Variants in EPHA5 observed in about 807,000 individuals in gnomAD.
EPHA5 encodes ephrin type-A receptor 5.
In EPHA5, 60 loss-of-function variants were observed where a neutral mutation model predicts 105.0. The observed-to-expected ratio is 0.57, with a 90% CI of 0.46 to 0.71. The LOEUF (loss-of-function observed/expected upper bound fraction) is 0.71, where lower values mean the gene tolerates loss of function less well. EPHA5 is among the 30% of genes least tolerant of loss of function. The pLI is 0.00. For missense variants in EPHA5, 1,218 were observed against 1,274.7 expected, an observed-to-expected ratio of 0.96 and a Z score of 0.68; for synonymous variants, 513 against 449.1, an observed-to-expected ratio of 1.14 and a Z score of -1.80.
chr4:65,571,321 T>TA (rs55885870), intron 3 of EPHA5, among the ~76,000 whole-genome samples: 2,831 of 140,210 alleles, frequency 0.02, 37 homozygotes, highest in South Asian at 0.034. Context: ...TGTTTACAAG[T>TA]AAAAAAAAAA....
chr4:65,489,525 G>C lies in EPHA5; in HGVS notation c.1402+852C>G, dbSNP rs113024542. On this transcript the variant is annotated intron_variant, in intron 5 of 16. Transcript: ENST00000613740. ...TGATAGAGGAAAGTTACAACTTTTT[G>C]GCTTTAATGCCTTTTTCTTCCCCTC... Among the ~76,000 whole-genome samples, 326 of 152,232 alleles carry C rather than the reference G, an allele frequency of 2.1e-3. 1 individual carries two copies. Among genetic ancestry groups the C allele is most frequent in the African/African-American group, 7.5e-3 (313 of 41,542 alleles).
chr4:65,610,689 C>G (rs2149457068), intron 2 of EPHA5, among the ~76,000 whole-genome samples: 1 of 152,088 alleles, frequency 6.6e-6, no homozygotes, highest in Non-Finnish European at 1.5e-5. Flanking sequence ...AATTAATAAA[C>G]TGAATAAAAT....
intron 3 of EPHA5, among the ~76,000 whole-genome samples, chr4:65,505,370 T>C (rs935643868): frequency 2.0e-5 from 3 of 152,084 alleles, no homozygotes; most frequent in Non-Finnish European, 2.9e-5. Flanking sequence ...AATGGCACTT[T>C]TGAACAGATT....
At chr4:65,406,533 T>C (rs1043661751) in intron 7 of EPHA5, among the ~76,000 whole-genome samples, 14 of 152,274 alleles carry the variant, frequency 9.2e-5, no homozygotes, top group African/African-American at 2.6e-4. Flanking sequence ...AATGTATGAA[T>C]GATTCTTCAT....
At chr4:65,450,342 A>T (rs771552865) in intron 5 of EPHA5, among the ~76,000 whole-genome samples, 3 of 152,182 alleles carry the variant, frequency 2.0e-5, no homozygotes, top group Non-Finnish European at 4.4e-5. Flanking sequence ...ACATTAGATC[A>T]TTTTATGTAA....
chr4:65,527,530 T>A (rs879829347), intron 3 of EPHA5, among the ~76,000 whole-genome samples: 4 of 152,114 alleles, frequency 2.6e-5, no homozygotes, highest in Non-Finnish European at 5.9e-5. Context: ...ACTTTTAAAA[T>A]GCAAGAAGAA....
rs1206356192 is a variant in EPHA5 at position 65,414,377 on chromosome 4, G to A, written c.1594C>T (p.Pro532Ser). 1.2e-6 allele frequency: 2 copies of A among 1,613,836 alleles called. No individual in the cohort carries two copies. The highest frequency in any genetic ancestry group is 2.7e-5 in the African/African-American group (2 of 74,924). Residue 532 changes from proline (P) to serine (S), a missense_variant, in exon 7 of 17, where the codon CCA becomes TCA. Physicochemically the swap from Pro to Ser is moderately conservative, Grantham distance 74 (BLOSUM62 -1). This residue lies in a region of EPHA5 where 971 missense variants were observed against 1,013.5 expected (regional missense o/e 0.96). Coordinates refer to ENST00000613740, the MANE Select transcript of EPHA5 (RefSeq NM_001281766.3). ...ETTITAEGLKPASVYVFQIRA... is the reference protein window; with the variant it reads ...ETTITAEGLKSASVYVFQIRA... The stretch of plus-strand genomic sequence containing the variant: ...ATTTGGAAGACATAAACTGAAGCTG[G>A]TTTCAAGCCCTCTGCAGTAATAGTT...
At chr4:65,498,937 T>C (rs138898829) in intron 3 of EPHA5, among the ~76,000 whole-genome samples, 1 of 150,994 alleles carries the variant, frequency 6.6e-6, no homozygotes, top group Non-Finnish European at 1.5e-5. Flanking sequence ...TAGACAAACT[T>C]ATATTATTCC....
intron 2 of EPHA5, among the ~76,000 whole-genome samples, chr4:65,641,999 A>G (rs1309012938): frequency 1.3e-5 from 2 of 152,138 alleles, no homozygotes; most frequent in Non-Finnish European, 2.9e-5. Context: ...AACAGCAACT[A>G]CAACACCATA....
intron 3 of EPHA5, among the ~76,000 whole-genome samples, chr4:65,506,631 G>A (rs1733054839): frequency 7.2e-6 from 1 of 138,702 alleles, no homozygotes; most frequent in African/African-American, 2.7e-5. Flanking sequence ...TGTGTCTTTT[G>A]GCTGCATAAA....
intron 1 of EPHA5, among the ~76,000 whole-genome samples, chr4:65,656,871 T>G (rs2149539820): frequency 6.6e-6 from 1 of 151,208 alleles, no homozygotes; most frequent in South Asian, 2.1e-4. Flanking sequence ...AGAACTTTTA[T>G]AGATTAGGAG....
chr4:65,430,580 T>C (rs1724875916), intron 5 of EPHA5, among the ~76,000 whole-genome samples: 1 of 152,082 alleles, frequency 6.6e-6, no homozygotes, highest in Non-Finnish European at 1.5e-5. Flanking sequence ...TTTATATACA[T>C]TAACTCATTC....
chr4:65,479,769 T>C (rs969732988), intron 5 of EPHA5, among the ~76,000 whole-genome samples: 18 of 152,104 alleles, frequency 1.2e-4, no homozygotes, highest in African/African-American at 4.3e-4. Context: ...TATGGATTTA[T>C]AAAACATGAT....
chr4:65,493,654 C>T (rs1731640432), intron 4 of EPHA5, among the ~76,000 whole-genome samples: 1 of 151,808 alleles, frequency 6.6e-6, no homozygotes, highest in Non-Finnish European at 1.5e-5. Context: ...CATTTGACAA[C>T]ACAGTATTAG....
At chr4:65,495,830 T>C (rs1321890505) in intron 3 of EPHA5, among the ~76,000 whole-genome samples, 2 of 152,326 alleles carry the variant, frequency 1.3e-5, no homozygotes, top group East Asian at 3.9e-4. Context: ...GCAAATATTT[T>C]TATGTATTTA....
chr4:65,412,587 G>A (rs1346503271), intron 7 of EPHA5, among the ~76,000 whole-genome samples: 2 of 152,060 alleles, frequency 1.3e-5, no homozygotes, highest in African/African-American at 4.8e-5. Context: ...TGATATTGAA[G>A]TATTTTCATT....
rs1448384257 is a variant in EPHA5, at chr4:65,322,186, T to G, written c.*1928A>C. On this transcript the variant is annotated 3_prime_UTR_variant, in exon 17 of 17. Coordinates refer to ENST00000613740, the MANE Select transcript of EPHA5 (RefSeq NM_001281766.3). ...AGCCCTTATTATTATGAGAACTGAATGTATTATTTGAAAACTGTTTAGATT... is the reference window on the plus strand; with the variant it reads ...AGCCCTTATTATTATGAGAACTGAAGGTATTATTTGAAAACTGTTTAGATT... 1 of 224,116 alleles carries G rather than the reference T, an allele frequency of 4.5e-6. No homozygotes were observed. Among genetic ancestry groups the G allele is most frequent in the African/African-American group, 2.2e-5 (1 of 44,830 alleles). The allele number at this position is 224,116 out of a possible 1,614,324, so 13.9% of individuals were successfully genotyped here.
intron 5 of EPHA5, among the ~76,000 whole-genome samples, chr4:65,453,812 T>A (rs987309552): frequency 8.5e-5 from 13 of 152,142 alleles, no homozygotes; most frequent in African/African-American, 3.1e-4. Flanking sequence ...AGGCAGTTGA[T>A]CTGTCAAGTC....
intron 8 of EPHA5, among the ~76,000 whole-genome samples, chr4:65,385,541 C>G (rs1172441578): frequency 6.6e-6 from 1 of 151,918 alleles, no homozygotes; most frequent in South Asian, 2.1e-4. Flanking sequence ...TATTCAAATT[C>G]CATGCAACTA....
Sources: allele counts gnomAD v4.1 joint callset (sites outside exome capture counted in the v4.1 genomes callset), GRCh38; gene constraint gnomAD v4.1.1; regional missense constraint gnomAD v4.1.1; transcripts MANE v1.5; gene names NCBI Gene and HGNC (gene_info 2026-07-23, HGNC 2026-07-21).